TIAM1: variants seen among roughly 807,000 people sequenced by gnomAD.
The protein encoded by TIAM1 is rho guanine nucleotide exchange factor TIAM1.
In TIAM1, 65 loss-of-function variants were observed where a neutral mutation model predicts 163.5. That is an observed-to-expected ratio of 0.40 (90% CI 0.33 to 0.49). The LOEUF (loss-of-function observed/expected upper bound fraction) is 0.49. Among genes scored for constraint, TIAM1 ranks in the 20% least tolerant of loss-of-function variants. TIAM1 has a pLI of 0.77. For synonymous variants in TIAM1, 833 were observed against 810.1 expected (o/e 1.03, Z -0.48); for missense variants, 1,789 against 2,044.7 (o/e 0.87, Z 2.41).
Position 31,223,423 on chromosome 21 carries a change from A to C in TIAM1, c.1978T>G (p.Ser660Ala). Reference sequence around the variant, plus strand: ...CTACTCACCAGGGCATGAAACGATGATACCGAAAAGATTCCAAGGCGGCCC... The same window carrying C: ...CTACTCACCAGGGCATGAAACGATGCTACCGAAAAGATTCCAAGGCGGCCC... ...AMGRLGIFSV[S>A]SFHALVAART... Residue 660 changes from serine (S) to alanine (A), a missense_variant, in exon 8 of 28, where the codon TCA (serine) becomes GCA (alanine). Physicochemically the swap from Ser to Ala is moderately conservative, Grantham distance 99. Coordinates refer to ENST00000541036, the MANE Select transcript of TIAM1 (RefSeq NM_001353694.2). 6.2e-7 allele frequency: 1 copy of C among 1,612,846 alleles called. No individual in the cohort carries two copies. Among genetic ancestry groups the C allele is most frequent in the Non-Finnish European group, 8.5e-7 (1 of 1,179,296 alleles).
intron 22 of TIAM1, among the ~76,000 whole-genome samples, chr21:31,136,311 C>T (rs1326313438): frequency 6.6e-6 from 1 of 152,098 alleles, no homozygotes; most frequent in Non-Finnish European, 1.5e-5. Flanking sequence ...AGAAATCGCA[C>T]CAAAATGACA....
At chr21:31,407,666 C>T (rs1374854248) in intron 2 of TIAM1, among the ~76,000 whole-genome samples, 1 of 122,076 alleles carries the variant, frequency 8.2e-6, no homozygotes, top group African/African-American at 3.2e-5. Flanking sequence ...GACAGAGTCT[C>T]GCTCTGTCAC....
chr21:31,516,525 C>T (rs144045258), intron 1 of TIAM1, among the ~76,000 whole-genome samples: 1 of 152,146 alleles, frequency 6.6e-6, no homozygotes, highest in African/African-American at 2.4e-5. Flanking sequence ...AGAGTTGAAC[C>T]ACTCCCTAAG....
At chr21:31,309,978 GC>G (rs2074863267) in intron 2 of TIAM1, among the ~76,000 whole-genome samples, 2 of 152,314 alleles carry the variant, frequency 1.3e-5, no homozygotes, top group South Asian at 4.1e-4. Context: ...CAAATACCCA[GC>G]TACCAAGTGA....
chr21:31,385,854 C>A, intron 2 of TIAM1, among the ~76,000 whole-genome samples: 1 of 122,488 alleles, frequency 8.2e-6, no homozygotes, highest in African/African-American at 3.2e-5. Context: ...ATATATAATA[C>A]ATATTGATTA....
intron 2 of TIAM1, among the ~76,000 whole-genome samples, chr21:31,401,990 G>A (rs889489613): frequency 2.1e-4 from 32 of 152,060 alleles, no homozygotes; most frequent in African/African-American, 7.5e-4. Context: ...CGATGCGGGT[G>A]GATCAGGAAG....
At chr21:31,521,037 T>C (rs1004722015) in intron 1 of TIAM1, among the ~76,000 whole-genome samples, 2 of 152,250 alleles carry the variant, frequency 1.3e-5, no homozygotes, top group Non-Finnish European at 2.9e-5. Context: ...GCTTAATAAA[T>C]GCCCAAGGCT....
intron 2 of TIAM1, among the ~76,000 whole-genome samples, chr21:31,297,121 G>A (rs1317406210): frequency 1.3e-5 from 2 of 152,196 alleles, no homozygotes; most frequent in African/African-American, 4.8e-5. Context: ...CACTAGCGGT[G>A]AGTAAATTAA....
chr21:31,317,346 C>T (rs1179635815), intron 2 of TIAM1, among the ~76,000 whole-genome samples: 4 of 152,100 alleles, frequency 2.6e-5, no homozygotes, highest in Middle Eastern at 3.4e-3. Context: ...CCCAGCTACG[C>T]GGGAGGCTGA....
chr21:31,267,330 C>G (rs963472680), intron 3 of TIAM1, among the ~76,000 whole-genome samples: 1 of 152,204 alleles, frequency 6.6e-6, no homozygotes, highest in African/African-American at 2.4e-5. Flanking sequence ...CTGACCTTGT[C>G]TTCCTTACTA....
At chr21:31,305,091 CA>C (rs1422881319) in intron 2 of TIAM1, among the ~76,000 whole-genome samples, 4 of 152,066 alleles carry the variant, frequency 2.6e-5, no homozygotes, top group African/African-American at 9.7e-5. Context: ...GACAGACAGA[CA>C]ACATTTATAA....
chr21:31,193,380 T>C (rs2146487236), intron 13 of TIAM1, among the ~76,000 whole-genome samples: 1 of 152,244 alleles, frequency 6.6e-6, no homozygotes, highest in South Asian at 2.1e-4. Context: ...TTTTGGTGCA[T>C]GCTAGGCAGA....
chr21:31,341,197 T>C (rs2076006811), intron 1 of TIAM1, among the ~76,000 whole-genome samples: 1 of 152,172 alleles, frequency 6.6e-6, no homozygotes, highest in Non-Finnish European at 1.5e-5. Flanking sequence ...ACACGAATAT[T>C]CATAATGAAA....
intron 1 of TIAM1, among the ~76,000 whole-genome samples, chr21:31,498,720 T>G (rs1200014043): frequency 6.6e-6 from 1 of 151,986 alleles, no homozygotes; most frequent in Non-Finnish European, 1.5e-5. Context: ...CTGAGGCAGG[T>G]GGATCACCTG....
chr21:31,159,863 T>C (rs1046329084), intron 16 of TIAM1, among the ~76,000 whole-genome samples: 2 of 152,252 alleles, frequency 1.3e-5, no homozygotes, highest in Non-Finnish European at 1.5e-5. Context: ...GAATATTTAC[T>C]GTAGGAATAG....
intron 16 of TIAM1, among the ~76,000 whole-genome samples, chr21:31,163,884 A>G (rs979034021): frequency 1.3e-4 from 20 of 152,136 alleles, no homozygotes; most frequent in South Asian, 1.0e-3. Context: ...AAAAAGAGAG[A>G]TCGTAGAGAA....
At chr21:31,461,255 G>A (rs1411204122) in intron 2 of TIAM1, among the ~76,000 whole-genome samples, 4 of 152,080 alleles carry the variant, frequency 2.6e-5, no homozygotes, top group African/African-American at 4.8e-5. Flanking sequence ...AGGCCGAGGC[G>A]GGCAGATCAC....
At chr21:31,187,930 A>C (rs1483483066) in intron 13 of TIAM1, among the ~76,000 whole-genome samples, 1 of 152,196 alleles carries the variant, frequency 6.6e-6, no homozygotes, top group East Asian at 1.9e-4. Flanking sequence ...GATATTTCTA[A>C]AAAGGGCAAG....
chr21:31,543,001 G>A lies in TIAM1; in HGVS notation c.-422+15926C>T, dbSNP rs1247154641. Among the ~76,000 whole-genome samples the A allele has an allele frequency of 2.6e-5, 4 of 152,064 alleles. No homozygotes were observed. The East Asian group carries it at 7.7e-4, about 29-fold the overall frequency. Reference sequence around the variant, plus strand: ...TAAAAAATAAATAAAAATAAAAACAGGTCCAGAAGGGCTCACCTTGGAATC... The same window carrying A: ...TAAAAAATAAATAAAAATAAAAACAAGTCCAGAAGGGCTCACCTTGGAATC... On this transcript the variant is annotated intron_variant, in intron 1 of 28. Transcript: ENST00000286827.
Sources: allele counts gnomAD v4.1 joint callset (sites outside exome capture counted in the v4.1 genomes callset), GRCh38; gene constraint gnomAD v4.1.1; transcripts MANE v1.5; gene names NCBI Gene and HGNC (gene_info 2026-07-23, HGNC 2026-07-21).